The following TLE1 variants were observed in gnomAD, a reference collection of about 807,000 sequenced individuals.
The protein encoded by TLE1 is transducin-like enhancer protein 1.
In TLE1, 21 loss-of-function variants were observed where a neutral mutation model predicts 89.8. The ratio of observed to expected loss-of-function variants is 0.23; its 90% CI spans 0.17 to 0.34. TLE1 has a LOEUF of 0.34. Ranked by LOEUF, TLE1 falls within the 10% of genes least tolerant of loss-of-function variation. The probability of loss-of-function intolerance (pLI) is 1.00; values close to 1 mark genes in which losing one functional copy is unlikely to be tolerated. For synonymous variants in TLE1, 447 were observed against 407.6 expected (o/e 1.10, Z -1.16); for missense variants, 795 against 1,031.2 (o/e 0.77, Z 3.14).
chr9:81,676,237 C>A (rs1258821449), intron 4 of TLE1, among the ~76,000 whole-genome samples: 2 of 152,134 alleles, frequency 1.3e-5, no homozygotes, highest in East Asian at 3.9e-4. Flanking sequence ...ACAATATAAT[C>A]AATGCCTACT....
At chr9:81,675,987 C>T (rs372992648) in intron 4 of TLE1, among the ~76,000 whole-genome samples, 3 of 152,132 alleles carry the variant, frequency 2.0e-5, no homozygotes, top group East Asian at 1.9e-4. Context: ...GCGTGAGCCA[C>T]CACACCAGGC....
At chr9:81,684,806 G>A (rs184588991) in intron 4 of TLE1, among the ~76,000 whole-genome samples, 1 of 152,156 alleles carries the variant, frequency 6.6e-6, no homozygotes, top group Non-Finnish European at 1.5e-5. Flanking sequence ...AAAAGTGAAT[G>A]TCAGCGTATC....
Position 81,688,647 on chromosome 9 carries a change from A to C in TLE1, c.-407T>G. On this transcript the variant is annotated 5_prime_UTR_variant, in exon 1 of 20. The change creates a new upstream start codon in the 5' untranslated region. Transcript: ENST00000376499. ...GCGCGGCGCCAGTCCTGGGCAAACA[A>C]ATCCAGACGGACTGCTTTTCTTTGC... 2 of 189,766 alleles carry C rather than the reference A, an allele frequency of 1.1e-5. No individual in the cohort carries two copies. The highest frequency in any genetic ancestry group is 1.1e-5 in the Non-Finnish European group (1 of 93,118). 11.8% of individuals were successfully genotyped at this position (189,766 alleles called of 1,614,324 possible).
intron 13 of TLE1, among the ~76,000 whole-genome samples, chr9:81,610,733 T>G (rs1823591428): frequency 6.6e-6 from 1 of 152,080 alleles, no homozygotes; most frequent in East Asian, 1.9e-4. Flanking sequence ...CCAAGAGGAA[T>G]CCATACCTGC....
At chr9:81,675,708 G>GTTT (rs61458315) in intron 4 of TLE1, among the ~76,000 whole-genome samples, 1 of 132,440 alleles carries the variant, frequency 7.6e-6, no homozygotes, top group African/African-American at 3.0e-5. Context: ...GTTTTTTTTT[G>GTTT]TTTTTTTTTT....
chr9:81,665,365 A>C (rs1831327767), intron 4 of TLE1, among the ~76,000 whole-genome samples: 1 of 152,192 alleles, frequency 6.6e-6, no homozygotes, highest in African/African-American at 2.4e-5. Context: ...AATTACTGGC[A>C]GATAATAACT....
chr9:81,678,460 T>C (rs894376163), intron 4 of TLE1, among the ~76,000 whole-genome samples: 2 of 152,178 alleles, frequency 1.3e-5, no homozygotes, highest in African/African-American at 4.8e-5. Flanking sequence ...GCTCAAGTGA[T>C]CCTCTGGAGC....
At chr9:81,634,877 A>C (rs1376923666) in intron 6 of TLE1, among the ~76,000 whole-genome samples, 1 of 152,108 alleles carries the variant, frequency 6.6e-6, no homozygotes, top group Non-Finnish European at 1.5e-5. Flanking sequence ...ACAAAACCAA[A>C]ATACTATCAC....
At chr9:81,589,862 CA>C (rs1652930643) in intron 16 of TLE1, among the ~76,000 whole-genome samples, 1 of 152,170 alleles carries the variant, frequency 6.6e-6, no homozygotes, top group Non-Finnish European at 1.5e-5. Flanking sequence ...ACCCAGCAAA[CA>C]GAAGAGGAAA....
At chr9:81,633,176 A>T (rs1236632262) in intron 8 of TLE1, among the ~76,000 whole-genome samples, 172 bp downstream of exon 8, 1 of 152,162 alleles carries the variant, frequency 6.6e-6, no homozygotes, top group Admixed American at 6.5e-5. Context: ...ATATAAGAAA[A>T]AGAAATTTTA....
intron 16 of TLE1, 41 bp downstream of exon 16, chr9:81,590,764 T>C (rs1318341268): frequency 6.3e-7 from 1 of 1,597,502 alleles, no homozygotes; most frequent in Admixed American, 1.7e-5. Flanking sequence ...GCCCAGCTGC[T>C]AAAGAAGCGA....
chr9:81,639,913 G>A (rs1827898591), intron 6 of TLE1, among the ~76,000 whole-genome samples: 1 of 152,038 alleles, frequency 6.6e-6, no homozygotes, highest in Admixed American at 6.6e-5. Flanking sequence ...GATAAGCAAT[G>A]ACAGTTTCTA....
intron 4 of TLE1, among the ~76,000 whole-genome samples, chr9:81,667,403 AAAG>A (rs1831616493): frequency 6.6e-6 from 1 of 151,952 alleles, no homozygotes; most frequent in Non-Finnish European, 1.5e-5. Context: ...AAAAAAAAAA[AAAG>A]AAGCAAAAAT....
intron 1 of TLE1, among the ~76,000 whole-genome samples, 171 bp downstream of exon 1, chr9:81,688,046 G>C (rs1038469092): frequency 6.6e-6 from 1 of 151,976 alleles, no homozygotes; most frequent in East Asian, 1.9e-4. Context: ...AAAATTAAGA[G>C]TTTCGGCCCA....
chr9:81,611,836 T>C lies in TLE1; in HGVS notation c.1187A>G (p.Asn396Ser), dbSNP rs1377864362. 1 of 1,560,880 alleles carries C rather than the reference T, an allele frequency of 6.4e-7. No homozygotes were observed. The highest frequency in any genetic ancestry group is 1.2e-5 in the South Asian group (1 of 84,426). Residue 396 changes from asparagine (N) to serine (S), a missense_variant, in exon 13 of 20, where the codon AAC (asparagine) becomes AGC (serine). Transcript: ENST00000376499. ...SPGAAYASLH[N>S]MSPQMSAAAA... ...TGCGGCGCTCATCTGGGGCGACATG[T>C]TGTGTAAACTGGCGTAGGCAGCGCC...
intron 6 of TLE1, among the ~76,000 whole-genome samples, chr9:81,636,493 G>A (rs541772468): frequency 3.5e-4 from 53 of 151,902 alleles, no homozygotes; most frequent in Non-Finnish European, 6.9e-4. Flanking sequence ...AGCAAGTGCA[G>A]CGGGTAATTA....
chr9:81,674,420 G>A (rs1403026372), intron 4 of TLE1, among the ~76,000 whole-genome samples: 1 of 152,118 alleles, frequency 6.6e-6, no homozygotes, highest in African/African-American at 2.4e-5. Context: ...GCATTGAAGG[G>A]CCTGGTTCCA....
At chr9:81,683,800 G>A (rs979199903) in intron 4 of TLE1, among the ~76,000 whole-genome samples, 1 of 151,906 alleles carries the variant, frequency 6.6e-6, no homozygotes, top group Non-Finnish European at 1.5e-5. Context: ...ACAGGCTCAC[G>A]GACAGACAGT....
At chr9:81,601,476 C>T (rs1487991264) in intron 14 of TLE1, among the ~76,000 whole-genome samples, 1 of 152,058 alleles carries the variant, frequency 6.6e-6, no homozygotes, top group Non-Finnish European at 1.5e-5. Context: ...CCTGTAACTA[C>T]CCTAGACTCT....
Sources: gnomAD v4.1 joint callset for allele counts (sites outside exome capture counted in the v4.1 genomes callset) on GRCh38, gnomAD v4.1.1 for gene constraint, MANE v1.5 for transcripts, NCBI Gene and HGNC (gene_info 2026-07-23, HGNC 2026-07-21) for gene names.